ELFN1: variants seen among roughly 807,000 people sequenced by gnomAD.
ELFN1 encodes protein ELFN1.
A neutral mutation model predicts 7.6 loss-of-function variants in ELFN1; 6 were observed. The observed-to-expected ratio is 0.79, with a 90% CI of 0.43 to 1.56. The LOEUF (loss-of-function observed/expected upper bound fraction) is 1.56, where lower values mean the gene tolerates loss of function less well. ELFN1 is among the 40% of genes most tolerant of loss of function. ELFN1 has a pLI of 0.01. For synonymous variants in ELFN1, 657 were observed against 588.1 expected, an observed-to-expected ratio of 1.12 and a Z score of -1.70; for missense variants, 1,169 against 1,232.2, an observed-to-expected ratio of 0.95 and a Z score of 0.77.
chr7:1,693,554 G>A (rs1562362244), intron 2 of ELFN1: 1 of 471,266 alleles, frequency 2.1e-6, no homozygotes, highest in Non-Finnish European at 4.4e-6. Context: ...CACGCCTGTG[G>A]ACGTAGCCTT....
intron 1 of ELFN1, among the ~76,000 whole-genome samples, chr7:1,684,794 T>C (rs1381959245): frequency 6.6e-6 from 1 of 152,210 alleles, no homozygotes; most frequent in Admixed American, 6.5e-5. Context: ...TTCATTAATA[T>C]ATGTTGACGT....
chr7:1,671,964 C>T (rs1778775798), intron 1 of ELFN1, among the ~76,000 whole-genome samples: 1 of 152,234 alleles, frequency 6.6e-6, no homozygotes, highest in Non-Finnish European at 1.5e-5. Flanking sequence ...CTGATCCCCA[C>T]CCCTAGTGGG....
rs969625113 is a variant in ELFN1, at chr7:1,740,671, C to T, written c.-293-3633C>T. 3.3e-5 allele frequency among the ~76,000 whole-genome samples: 5 copies of T among 152,234 alleles called. No individual in the cohort carries two copies. The South Asian group carries it at 6.2e-4, about 19-fold the overall frequency. ...CTCTGCCCTTGGGGACTCCTGGACC[C>T]GGGCCACCCCCCGAACCCCTCCTAG... On this transcript the variant is annotated intron_variant, in intron 3 of 3. Coordinates refer to ENST00000424383, the MANE Select transcript of ELFN1 (RefSeq NM_001128636.4). This position sits in a 1 kb window ranked among gnomAD's most constrained non-coding sequence, Gnocchi z 5.0.
Position 1,745,511 on chromosome 7 carries a change from C to T in ELFN1, c.915C>T (p.Ala305=), listed in dbSNP as rs999976247. 6.5e-7 allele frequency: 1 copy of T among 1,545,518 alleles called. No individual in the cohort carries two copies. Among genetic ancestry groups the T allele is most frequent in the African/African-American group, 1.4e-5 (1 of 73,168 alleles). ...FSGDGTTPLV[A]LPTLATQAEA... is the part of the protein sequence containing the mutation. ...GGGACGGCACCACGCCACTGGTGGC[C>T]CTGCCCACGCTGGCCACGCAGGCCG... is the stretch of plus-strand genomic sequence containing the variant. Residue 305 remains alanine, a synonymous_variant, in exon 4 of 4, where the codon GCC becomes GCT. Transcript: ENST00000424383.
chr7:1,697,860 C>T (rs182363606), intron 2 of ELFN1, among the ~76,000 whole-genome samples: 261 of 152,276 alleles, frequency 1.7e-3, no homozygotes, highest in African/African-American at 6.1e-3. Context: ...TCATGGCTCA[C>T]GGCAGCCTTG....
intron 3 of ELFN1, among the ~76,000 whole-genome samples, chr7:1,736,655 G>A (rs1193633578): frequency 6.6e-6 from 1 of 152,182 alleles, no homozygotes; most frequent in Non-Finnish European, 1.5e-5. Flanking sequence ...ATGTCATAAG[G>A]GCTCCAGCTG....
Position 1,670,757 on chromosome 7 carries a change from T to A in ELFN1, c.-549+403T>A, listed in dbSNP as rs1160497028. On this transcript the variant is annotated intron_variant, in intron 1 of 3. Coordinates refer to ENST00000424383, the MANE Select transcript of ELFN1 (RefSeq NM_001128636.4). The surrounding 1 kb of genome is among the most constrained non-coding windows in gnomAD (Gnocchi z 6.4). ...CTTCCCTTCCCGGAAATTAGGGGGC[T>A]GTCCTCACCTCCTGGCCGAGTCGCT... Among the ~76,000 whole-genome samples the A allele has an allele frequency of 2.6e-5, 4 of 151,936 alleles. No individual in the cohort carries two copies. Among genetic ancestry groups the A allele is most frequent in the African/African-American group, 7.3e-5 (3 of 41,330 alleles).
intron 3 of ELFN1, among the ~76,000 whole-genome samples, chr7:1,732,059 C>T (rs1780335897): frequency 6.6e-6 from 1 of 152,180 alleles, no homozygotes; most frequent in Non-Finnish European, 1.5e-5. Flanking sequence ...GCCCTACCTG[C>T]CCCGAGCTTT....
rs186246843 is a variant in ELFN1 at position 1,696,562 on chromosome 7, C to T, written c.-456+8412C>T. On this transcript the variant is annotated intron_variant, in intron 2 of 3. Transcript: ENST00000424383. Reference sequence around the variant, plus strand: ...GCGTGCCACCACACCCATGCACTAACTATTGTTTAAAACTTTTTTCTGTGG... The same window carrying T: ...GCGTGCCACCACACCCATGCACTAATTATTGTTTAAAACTTTTTTCTGTGG... Among the ~76,000 whole-genome samples the T allele has an allele frequency of 2.6e-3, 393 of 152,162 alleles. 3 individuals are homozygous for T. Among genetic ancestry groups the T allele is most frequent in the African/African-American group, 8.9e-3 (369 of 41,504 alleles).
chr7:1,725,902 A>T (rs1244094152), intron 3 of ELFN1, among the ~76,000 whole-genome samples: 2 of 150,044 alleles, frequency 1.3e-5, no homozygotes, highest in East Asian at 3.9e-4. Context: ...ATACACACTC[A>T]CACAAAAATC....
Position 1,675,743 on chromosome 7 carries a change from C to A in ELFN1, c.-549+5389C>A, listed in dbSNP as rs564676462. 3.3e-5 allele frequency among the ~76,000 whole-genome samples: 5 copies of A among 152,306 alleles called. No individual in the cohort carries two copies. In the East Asian group the frequency reaches 9.7e-4, roughly 29 times the overall value. On this transcript the variant is annotated intron_variant, in intron 1 of 3. Coordinates refer to ENST00000424383, the MANE Select transcript of ELFN1 (RefSeq NM_001128636.4). ...AGCACACAGTGAGGCGTCGCTGGCC[C>A]GGAGGGACGAGTCAAGGACAGCTGT...
chr7:1,726,888 G>A (rs1026476618), intron 3 of ELFN1, among the ~76,000 whole-genome samples: 6 of 152,308 alleles, frequency 3.9e-5, no homozygotes, highest in Non-Finnish European at 5.9e-5. Flanking sequence ...GACAGGAGCC[G>A]GGCTGGGTTC....
At chr7:1,706,721 C>T (rs1407647915) in intron 2 of ELFN1, among the ~76,000 whole-genome samples, 3 of 152,352 alleles carry the variant, frequency 2.0e-5, no homozygotes, top group African/African-American at 7.2e-5. Flanking sequence ...ATAAAGTGCA[C>T]AGCCCCAGAG....
chr7:1,743,523 A>G (rs187215515), intron 3 of ELFN1, among the ~76,000 whole-genome samples: 1 of 152,186 alleles, frequency 6.6e-6, no homozygotes, highest in African/African-American at 2.4e-5. Context: ...ACGCCCTCAG[A>G]GACCATCCAG....
At chr7:1,694,868 A>G (rs114578417) in intron 2 of ELFN1, among the ~76,000 whole-genome samples, 6,597 of 152,252 alleles carry the variant, frequency 0.043, 406 homozygotes, top group African/African-American at 0.14. Flanking sequence ...CTCCACTGCT[A>G]TTAATAGTTT....
intron 3 of ELFN1, among the ~76,000 whole-genome samples, chr7:1,725,518 C>T (rs1780166738): frequency 6.6e-6 from 1 of 152,132 alleles, no homozygotes; most frequent in East Asian, 1.9e-4. Flanking sequence ...ACAGGCCTCC[C>T]TCCCGGGCCG....
intron 2 of ELFN1, among the ~76,000 whole-genome samples, chr7:1,691,177 A>C (rs530632517): frequency 6.6e-6 from 1 of 152,200 alleles, no homozygotes; most frequent in Non-Finnish European, 1.5e-5. Flanking sequence ...GTCCAGATCC[A>C]GGCTTCCCTC....
At chr7:1,697,264 G>T (rs1373472236) in intron 2 of ELFN1, among the ~76,000 whole-genome samples, 2 of 152,210 alleles carry the variant, frequency 1.3e-5, no homozygotes, top group Non-Finnish European at 2.9e-5. Flanking sequence ...TCCCATCCAT[G>T]GACACGCACA....
chr7:1,694,002 C>T (rs1349297009), intron 2 of ELFN1: 4 of 364,824 alleles, frequency 1.1e-5, no homozygotes, highest in South Asian at 2.1e-5. Context: ...CTGGCCTGTC[C>T]GTGCACCGAC....
Sources: allele counts gnomAD v4.1 joint callset (sites outside exome capture counted in the v4.1 genomes callset), GRCh38; gene constraint gnomAD v4.1.1; non-coding constraint Gnocchi (gnomAD v3.1); transcripts MANE v1.5; gene names NCBI Gene and HGNC (gene_info 2026-07-23, HGNC 2026-07-21).